The following SAMD8 variants were observed in gnomAD, a reference collection of about 807,000 sequenced individuals.
SAMD8 encodes the protein sphingomyelin synthase-related protein 1.
Under a neutral mutation model 42.0 loss-of-function variants are expected in SAMD8, and 20 were observed. That is an observed-to-expected ratio of 0.48 (90% CI 0.34 to 0.69). SAMD8 has a LOEUF of 0.69. SAMD8 is among the 30% of genes least tolerant of loss of function. The pLI is 0.01. For missense variants in SAMD8, 328 were observed against 511.6 expected, an observed-to-expected ratio of 0.64 and a Z score of 3.46; for synonymous variants, 162 against 173.0, an observed-to-expected ratio of 0.94 and a Z score of 0.50.
chr10:75,104,833 G>A (rs1564665630), intron 1 of SAMD8, among the ~76,000 whole-genome samples: 1 of 152,036 alleles, frequency 6.6e-6, no homozygotes, highest in East Asian at 1.9e-4. Flanking sequence ...TGCTGCTGAA[G>A]GGCCTCCCTT....
chr10:75,100,675 C>T lies in SAMD8; in HGVS notation c.-16+947C>T, dbSNP rs553347271. Among the ~76,000 whole-genome samples, 9 of 152,334 alleles carry T rather than the reference C, an allele frequency of 5.9e-5. No homozygotes were observed. The South Asian group carries it at 1.9e-3, about 32-fold the overall frequency. The stretch of plus-strand genomic sequence containing the variant: ...CCTGATCCCGTGCTCCTCCTCGCCC[C>T]CTTCCTGCCTCCCCCGCTCAGCAGA... On this transcript the variant is annotated intron_variant, in intron 1 of 3. Transcript: ENST00000447533.
intron 1 of SAMD8, among the ~76,000 whole-genome samples, chr10:75,137,866 G>T (rs1193607746): frequency 6.6e-6 from 1 of 152,094 alleles, no homozygotes; most frequent in South Asian, 2.1e-4. Flanking sequence ...TGGTAAAAAT[G>T]GTAAATTTTA....
At chr10:75,102,603 T>A (rs577232421) in intron 1 of SAMD8, among the ~76,000 whole-genome samples, 5 of 150,180 alleles carry the variant, frequency 3.3e-5, no homozygotes, top group African/African-American at 1.2e-4. Context: ...AGCCCAGGGG[T>A]TCAAGACCAG....
In SAMD8 at chr10:75,161,691, A is replaced by T. The variant is rs1212929479; in HGVS notation, c.579-2954A>T. Among the ~76,000 whole-genome samples the T allele has an allele frequency of 2.6e-5, 4 of 152,052 alleles. No homozygotes were observed. In the East Asian group the frequency reaches 7.7e-4, roughly 29 times the overall value. On this transcript the variant is annotated intron_variant, in intron 2 of 5. Coordinates refer to ENST00000542569, the MANE Select transcript of SAMD8 (RefSeq NM_001174156.2). ...AGGCCCAAAGAAAATTCAGAGAAAAAGAGCTTTTGGGGGAAAAAAAAAAAG... is the reference window on the plus strand; with the variant it reads ...AGGCCCAAAGAAAATTCAGAGAAAATGAGCTTTTGGGGGAAAAAAAAAAAG...
chr10:75,150,111 G>A (rs1454060926), intron 1 of SAMD8, among the ~76,000 whole-genome samples: 1 of 134,698 alleles, frequency 7.4e-6, no homozygotes, highest in Non-Finnish European at 1.6e-5. Context: ...TATATATATA[G>A]TTTTTTGTTT....
rs371686467 is a variant in SAMD8, at chr10:75,178,541, G to A, written c.*1849G>A. 7.2e-5 allele frequency: 11 copies of A among 152,276 alleles called. No individual in the cohort carries two copies. Among genetic ancestry groups the A allele is most frequent in the African/African-American group, 2.6e-4 (11 of 41,556 alleles). The allele number at this position is 152,276 out of a possible 1,614,324, so 9.4% of individuals were successfully genotyped here. A position where few individuals can be genotyped will look rare whatever the true frequency, so the allele number is the denominator to read the frequency against. ...GCAGTGATGTTGGCTTTTGGGAAAG[G>A]GTTCAAAAAACTGTATGGCAACATT... On this transcript the variant is annotated 3_prime_UTR_variant, in exon 6 of 6. Transcript: ENST00000542569.
chr10:75,170,308 G>T (rs1363596233), intron 4 of SAMD8, among the ~76,000 whole-genome samples: 1 of 152,116 alleles, frequency 6.6e-6, no homozygotes, highest in East Asian at 1.9e-4. Context: ...AATGTTGTTT[G>T]TAACAGCATT....
At chr10:75,101,893 G>C in intron 1 of SAMD8, 1 of 1,367,240 alleles carries the variant, frequency 7.3e-7, no homozygotes, top group Non-Finnish European at 9.8e-7. Flanking sequence ...CCCAGGCTGT[G>C]CACTTCTCTG....
intron 1 of SAMD8, among the ~76,000 whole-genome samples, chr10:75,139,811 A>G (rs970143396): frequency 1.3e-5 from 2 of 152,222 alleles, no homozygotes; most frequent in African/African-American, 4.8e-5. Context: ...CGACCTAGAG[A>G]AATGGAGACC....
At chr10:75,147,386 G>T (rs1240455937) in intron 1 of SAMD8, among the ~76,000 whole-genome samples, 1 of 152,124 alleles carries the variant, frequency 6.6e-6, no homozygotes, top group Non-Finnish European at 1.5e-5. Context: ...GAGTGCCGTG[G>T]TGTGATCTCT....
chr10:75,122,474 C>T (rs1849026549), intron 1 of SAMD8, among the ~76,000 whole-genome samples: 1 of 151,812 alleles, frequency 6.6e-6, no homozygotes, highest in South Asian at 2.1e-4. Context: ...ATTAGCTGAG[C>T]GTGGTGGGGG....
chr10:75,168,362 C>T (rs1995570), intron 3 of SAMD8, 179 bp from the exon 4 acceptor site: 129,994 of 889,842 alleles, frequency 0.15, 10,234 homozygotes, highest in East Asian at 0.25. Context: ...GGAACATTTC[C>T]GTCATTGCAG....
intron 1 of SAMD8, among the ~76,000 whole-genome samples, chr10:75,130,234 A>T (rs1849243860): frequency 6.6e-6 from 1 of 151,972 alleles, no homozygotes; most frequent in South Asian, 2.1e-4. Flanking sequence ...AGGCACGGTG[A>T]CTCACGCCTG....
intron 1 of SAMD8, among the ~76,000 whole-genome samples, chr10:75,129,309 C>T (rs113217201): frequency 6.6e-4 from 101 of 152,106 alleles, no homozygotes; most frequent in African/African-American, 2.3e-3. Context: ...GGCATGATCT[C>T]GGCTCACTGC....
At position 75,180,722 on chromosome 10, in the gene SAMD8, T is replaced by C. The variant is rs373035573; in HGVS notation, c.*4030T>C. On this transcript the variant is annotated 3_prime_UTR_variant, in exon 6 of 6. Transcript: ENST00000542569. ...GTTTCGTGCCCTGTCTCTGCCTGTGTGTTTTTACTAAGAATTCCAGAAATC... is the reference window on the plus strand; with the variant it reads ...GTTTCGTGCCCTGTCTCTGCCTGTGCGTTTTTACTAAGAATTCCAGAAATC... The C allele has an allele frequency of 4.6e-5, 7 of 152,332 alleles. No homozygotes were observed. The highest frequency in any genetic ancestry group is 1.7e-4 in the African/African-American group (7 of 41,578). 9.4% of individuals were successfully genotyped at this position (152,332 alleles called of 1,614,324 possible).
Position 75,104,101 on chromosome 10 carries a change from G to A in SAMD8, c.-16+4373G>A, listed in dbSNP as rs756050749. ...TGGCAGGGAGTAAGGACCAGCTCTG[G>A]AAGAGAGATGAGCTCTGTGTTACAG... is the stretch of plus-strand genomic sequence containing the variant. On this transcript the variant is annotated intron_variant, in intron 1 of 3. Transcript: ENST00000447533. The A allele has an allele frequency of 5.2e-6, 7 of 1,339,588 alleles. No homozygotes were observed. In the Admixed American group the frequency reaches 1.2e-4, roughly 24 times the overall value. The allele number at this position is 1,339,588 out of a possible 1,614,324, so 83.0% of individuals were successfully genotyped here.
chr10:75,119,295 C>T (rs536047376), intron 1 of SAMD8, among the ~76,000 whole-genome samples: 2 of 152,200 alleles, frequency 1.3e-5, no homozygotes, highest in East Asian at 1.9e-4. Context: ...GCTGGGATTA[C>T]AGGGGTGCAC....
intron 1 of SAMD8, among the ~76,000 whole-genome samples, chr10:75,146,921 G>A (rs182242517): frequency 1.4e-4 from 21 of 152,174 alleles, no homozygotes; most frequent in Admixed American, 6.5e-5. Context: ...TTTAGTATGG[G>A]CCTCTTAACT....
At chr10:75,165,977 CAAAAAAA>C (rs56839743) in intron 3 of SAMD8, among the ~76,000 whole-genome samples, 3 of 62,532 alleles carry the variant, frequency 4.8e-5, no homozygotes, top group Admixed American at 1.7e-4. Context: ...ACCCTGTCTC[CAAAAAAA>C]AAAAAAAAAA....
Sources: gnomAD v4.1 joint callset for allele counts (sites outside exome capture counted in the v4.1 genomes callset) on GRCh38, gnomAD v4.1.1 for gene constraint, MANE v1.5 for transcripts, NCBI Gene and HGNC (gene_info 2026-07-23, HGNC 2026-07-21) for gene names.